BCAM: variants seen among roughly 807,000 people sequenced by gnomAD.
BCAM encodes basal cell adhesion molecule (Lutheran blood group).
Under a neutral mutation model 72.4 loss-of-function variants are expected in BCAM, and 61 were observed. That is an observed-to-expected ratio of 0.84 (90% CI 0.69 to 1.04). The LOEUF (loss-of-function observed/expected upper bound fraction) is 1.04, where lower values mean the gene tolerates loss of function less well. BCAM is among the 50% of genes least tolerant of loss of function. BCAM has a pLI of 0.00. For missense variants in BCAM, 909 were observed against 895.0 expected, an observed-to-expected ratio of 1.02 and a Z score of -0.20; for synonymous variants, 408 against 384.2, an observed-to-expected ratio of 1.06 and a Z score of -0.73.
Position 44,814,054 on chromosome 19 carries a change from C to A in BCAM, c.785-98C>A. The A allele has an allele frequency of 7.0e-7, 1 of 1,422,130 alleles. No homozygotes were observed. The highest frequency in any genetic ancestry group is 9.4e-7 in the Non-Finnish European group (1 of 1,068,722). 88.1% of individuals were successfully genotyped at this position (1,422,130 alleles called of 1,614,324 possible). A position where few individuals can be genotyped will look rare whatever the true frequency, so the allele number is the denominator to read the frequency against. ...CTATGACCCGTAACCTTTGACCCGC[C>A]ATAGCCCTCACCTGGGATGCAGGGC... On this transcript the variant is annotated intron_variant, in intron 6 of 14. Transcript: ENST00000270233. This position sits in a 1 kb window ranked among gnomAD's most constrained non-coding sequence, Gnocchi z 4.6.
chr19:44,812,968 A>T lies in BCAM; in HGVS notation c.505-282A>T. On this transcript the variant is annotated intron_variant, in intron 4 of 14. Transcript: ENST00000270233. The surrounding 1 kb of genome is among the most constrained non-coding windows in gnomAD (Gnocchi z 5.3). ...CCGTCTCAAAAAAAAAAAAAAAAAG[A>T]AGAAGAAAAGAAAAAAGAAAGGAAG... The T allele has an allele frequency of 2.5e-6, 1 of 407,708 alleles. No individual in the cohort carries two copies. The allele number at this position is 407,708 out of a possible 1,614,324, so 25.3% of individuals were successfully genotyped here.
intron 13 of BCAM, 106 bp from the exon 14 acceptor site, chr19:44,820,599 T>A: frequency 1.5e-4 from 163 of 1,091,562 alleles, no homozygotes; most frequent in East Asian, 4.1e-4. Flanking sequence ...CATCCTCACC[T>A]CCATCCCCAG....
intron 8 of BCAM, among the ~76,000 whole-genome samples, chr19:44,815,700 AC>A (rs1390585445): frequency 6.6e-6 from 1 of 152,116 alleles, no homozygotes; most frequent in African/African-American, 2.4e-5. Context: ...GAGAAGTTGG[AC>A]TGAAGTCTAA....
At position 44,813,274 on chromosome 19, in the gene BCAM, G is replaced by C. The variant is rs777617369; in HGVS notation, c.529G>C (p.Gly177Arg). 10 of 1,614,018 alleles carry C rather than the reference G, an allele frequency of 6.2e-6. No individual in the cohort carries two copies. The highest frequency in any genetic ancestry group is 8.5e-6 in the Non-Finnish European group (10 of 1,180,038). ...QEIATCNSRN[G>R]NPAPKITWYR... ...GATCGCCACCTGCAACAGCCGGAAC[G>C]GGAACCCGGCCCCCAAGATCACGTG... Residue 177 changes from glycine to arginine, a missense_variant, in exon 5 of 15, where the codon GGG (glycine) becomes CGG (arginine). Coordinates refer to ENST00000270233, the MANE Select transcript of BCAM (RefSeq NM_005581.5). The surrounding 1 kb of genome is among the most constrained non-coding windows in gnomAD (Gnocchi z 4.2).
chr19:44,817,979 C>T (rs528900466), intron 8 of BCAM, among the ~76,000 whole-genome samples: 18 of 152,260 alleles, frequency 1.2e-4, no homozygotes, highest in Non-Finnish European at 2.1e-4. Flanking sequence ...GAGGATTTGT[C>T]CTGGGAGCAG....
chr19:44,813,517 C>T lies in BCAM; in HGVS notation c.681C>T (p.Arg227=). 4 of 1,612,750 alleles carry T rather than the reference C, an allele frequency of 2.5e-6. No individual in the cohort carries two copies. The highest frequency in any genetic ancestry group is 3.4e-6 in the Non-Finnish European group (4 of 1,179,930). The stretch of plus-strand genomic sequence containing the variant: ...CCAGCACCCTCTACCTGCGGCTCCG[C>T]AAGGATGACCGAGACGCCAGCTTCC... ...SLTSTLYLRL[R]KDDRDASFHC... Residue 227 remains arginine (R), a synonymous_variant, in exon 6 of 15, where the codon CGC becomes CGT. Coordinates refer to ENST00000270233, the MANE Select transcript of BCAM (RefSeq NM_005581.5). This position sits in a 1 kb window ranked among gnomAD's most constrained non-coding sequence, Gnocchi z 4.2.
At position 44,821,241 on chromosome 19, in the gene BCAM, T is replaced by C; in HGVS notation, c.*320T>C. The C allele has an allele frequency of 2.9e-6, 1 of 342,492 alleles. No individual in the cohort carries two copies. The highest frequency in any genetic ancestry group is 5.3e-6 in the Non-Finnish European group (1 of 188,832). 21.2% of individuals were successfully genotyped at this position (342,492 alleles called of 1,614,324 possible). On this transcript the variant is annotated 3_prime_UTR_variant, in exon 15 of 15. Coordinates refer to ENST00000270233, the MANE Select transcript of BCAM (RefSeq NM_005581.5). ...CCGAGGGTCGGCTGGCCGGAGCTAT[T>C]TTTACCTCCCGCCTCCCCTGCTGGT...
Position 44,814,175 on chromosome 19 carries a change from T to A in BCAM, c.808T>A (p.Trp270Arg). The A allele has an allele frequency of 1.3e-6, 2 of 1,585,396 alleles. No individual in the cohort carries two copies. The highest frequency in any genetic ancestry group is 1.7e-6 in the Non-Finnish European group (2 of 1,172,324). The stretch of plus-strand genomic sequence containing the variant: ...AGATCCCACGGAGCACGTGCAGTTC[T>A]GGGTGGGCAGCCCGTCCACCCCAGC... ...LHYPTEHVQF[W>R]VGSPSTPAGW... Residue 270 changes from tryptophan (W) to arginine (R), a missense_variant, in exon 7 of 15, where the codon TGG becomes AGG. Transcript: ENST00000270233. The surrounding 1 kb of genome is among the most constrained non-coding windows in gnomAD (Gnocchi z 4.6).
Position 44,820,687 on chromosome 19 carries a change from G to A in BCAM, c.1764-18G>A, listed in dbSNP as rs1195797593. ...CACCTCCAACACGACGCCTCCGCCCGCTGCCTCCTCCCCCCAGGCCGCCAG... is the reference window on the plus strand; with the variant it reads ...CACCTCCAACACGACGCCTCCGCCCACTGCCTCCTCCCCCCAGGCCGCCAG... On this transcript the variant is annotated intron_variant, in intron 13 of 14. Transcript: ENST00000270233. 36 of 1,221,330 alleles carry A rather than the reference G, an allele frequency of 2.9e-5. No homozygotes were observed. Among genetic ancestry groups the A allele is most frequent in the African/African-American group, 4.8e-5 (3 of 61,972 alleles). 75.7% of individuals were successfully genotyped at this position (1,221,330 alleles called of 1,614,324 possible). A position where few individuals can be genotyped will look rare whatever the true frequency, so the allele number is the denominator to read the frequency against.
Position 44,809,109 on chromosome 19 carries a change from C to G in BCAM, c.-16C>G. 7.0e-7 allele frequency: 1 copy of G among 1,423,914 alleles called. No homozygotes were observed. The allele number at this position is 1,423,914 out of a possible 1,614,324, so 88.2% of individuals were successfully genotyped here. A position where few individuals can be genotyped will look rare whatever the true frequency, so the allele number is the denominator to read the frequency against. ...CGAGCTGCAGCCCGGGCTCAGTCTC[C>G]GCCGCCGCCGTGAACATGGAGCCCC... is the stretch of plus-strand genomic sequence containing the variant. On this transcript the variant is annotated 5_prime_UTR_variant, in exon 1 of 15. Coordinates refer to ENST00000270233, the MANE Select transcript of BCAM (RefSeq NM_005581.5).
At chr19:44,811,101 G>T (rs568058741) in intron 1 of BCAM, 124 bp from the exon 2 acceptor site, 2 of 1,433,112 alleles carry the variant, frequency 1.4e-6, no homozygotes, top group South Asian at 2.5e-5. Context: ...CTGGCACCTG[G>T]ACTCCTGGGT....
At chr19:44,820,655 C>T in intron 13 of BCAM, 50 bp from the exon 14 acceptor site, 1 of 1,374,690 alleles carries the variant, frequency 7.3e-7, no homozygotes, top group Non-Finnish European at 9.4e-7. Flanking sequence ...CCTCCCCCTG[C>T]CGTGTGCACC....
chr19:44,819,484 G>C lies in BCAM; in HGVS notation c.1612G>C (p.Gly538Arg), dbSNP rs145626518. 1.2e-6 allele frequency: 2 copies of C among 1,613,838 alleles called. No homozygotes were observed. The highest frequency in any genetic ancestry group is 2.2e-5 in the East Asian group (1 of 44,886). Residue 538 changes from glycine (G) to arginine (R), a missense_variant, in exon 12 of 15, where the codon GGC (glycine) becomes CGC (arginine). Physicochemically the swap from Gly to Arg is moderately radical, Grantham distance 125. Transcript: ENST00000270233. ...HGNKRHVFHFGTVSPQTSQAG... is the reference protein window; with the variant it reads ...HGNKRHVFHFRTVSPQTSQAG... ...GAACAAGCGCCATGTCTTCCACTTC[G>C]GCACCGGTGAGTGACTGAGGTGGTG...
intron 8 of BCAM, among the ~76,000 whole-genome samples, chr19:44,815,812 C>T (rs1198608699): frequency 6.6e-6 from 1 of 151,856 alleles, no homozygotes; most frequent in African/African-American, 2.4e-5. Context: ...TGAGGCCAGC[C>T]TGGGCAACAG....
chr19:44,818,530 C>A lies in BCAM; in HGVS notation c.1087C>A (p.Pro363Thr), dbSNP rs757273835. 1.2e-6 allele frequency: 2 copies of A among 1,613,754 alleles called. No individual in the cohort carries two copies. The highest frequency in any genetic ancestry group is 1.7e-6 in the Non-Finnish European group (2 of 1,179,856). Reference sequence around the variant, plus strand: ...ACTGTCCCCCACTGCAGATCTGGACCCCCTGGAGCTCAGCGAGGGGAAGGT... The same window carrying A: ...ACTGTCCCCCACTGCAGATCTGGACACCCTGGAGCTCAGCGAGGGGAAGGT... The part of the protein sequence containing the change: ...TLELRVAYLD[P>T]LELSEGKVLS... Residue 363 changes from proline (P) to threonine (T), a missense_variant, in exon 9 of 15, where the codon CCC becomes ACC. Coordinates refer to ENST00000270233, the MANE Select transcript of BCAM (RefSeq NM_005581.5). The surrounding 1 kb of genome is among the most constrained non-coding windows in gnomAD (Gnocchi z 4.6).
chr19:44,814,476 C>T lies in BCAM; in HGVS notation c.922-128C>T, dbSNP rs1401979202. On this transcript the variant is annotated intron_variant, in intron 7 of 14. Coordinates refer to ENST00000270233, the MANE Select transcript of BCAM (RefSeq NM_005581.5). The surrounding 1 kb of genome is among the most constrained non-coding windows in gnomAD (Gnocchi z 4.6). ...GAGAGAGTCAGGACTTAGCATGCCA[C>T]CTGACTTGATGGCCCCTGACCCCTG... is the stretch of plus-strand genomic sequence containing the variant. The T allele has an allele frequency of 2.8e-6, 4 of 1,414,186 alleles. No homozygotes were observed. The Admixed American group carries it at 7.5e-5, about 26-fold the overall frequency. The allele number at this position is 1,414,186 out of a possible 1,614,324, so 87.6% of individuals were successfully genotyped here. A position where few individuals can be genotyped will look rare whatever the true frequency, so the allele number is the denominator to read the frequency against.
chr19:44,810,945 G>A (rs936369098), intron 1 of BCAM, among the ~76,000 whole-genome samples: 9 of 151,550 alleles, frequency 5.9e-5, no homozygotes, highest in African/African-American at 1.9e-4. Context: ...GGGAGGAGGG[G>A]CTGGGGCCTG....
At position 44,812,969 on chromosome 19, in the gene BCAM, A is replaced by C; in HGVS notation, c.505-281A>C. 1 of 446,888 alleles carries C rather than the reference A, an allele frequency of 2.2e-6. No homozygotes were observed. Among genetic ancestry groups the C allele is most frequent in the Non-Finnish European group, 3.9e-6 (1 of 254,142 alleles). The allele number at this position is 446,888 out of a possible 1,614,324, so 27.7% of individuals were successfully genotyped here. ...CGTCTCAAAAAAAAAAAAAAAAAGA[A>C]GAAGAAAAGAAAAAAGAAAGGAAGG... On this transcript the variant is annotated intron_variant, in intron 4 of 14. Transcript: ENST00000270233. This position sits in a 1 kb window ranked among gnomAD's most constrained non-coding sequence, Gnocchi z 5.3.
Position 44,814,695 on chromosome 19 carries a change from G to C in BCAM, c.1013G>C (p.Arg338Thr), listed in dbSNP as rs748839969. ...TRGQSGTYGC[R>T]VEDYDAADDV... The stretch of plus-strand genomic sequence containing the variant: ...GGCCAGAGCGGGACCTATGGCTGCA[G>C]AGTGGAGGATTACGACGCGGCAGAT... Residue 338 changes from arginine to threonine, a missense_variant, in exon 8 of 15, where the codon AGA (arginine) becomes ACA (threonine). Physicochemically the swap from Arg to Thr is moderately conservative, Grantham distance 71. Transcript: ENST00000270233. The surrounding 1 kb of genome is among the most constrained non-coding windows in gnomAD (Gnocchi z 4.6). The C allele has an allele frequency of 1.7e-5, 27 of 1,613,950 alleles. No individual in the cohort carries two copies. The highest frequency in any genetic ancestry group is 1.3e-4 in the South Asian group (12 of 91,084).
Sources: gnomAD v4.1 joint callset for allele counts (sites outside exome capture counted in the v4.1 genomes callset) on GRCh38, gnomAD v4.1.1 for gene constraint, Gnocchi (gnomAD v3.1) non-coding constraint, MANE v1.5 for transcripts, NCBI Gene and HGNC (gene_info 2026-07-23, HGNC 2026-07-21) for gene names.